Variants in CUX1 observed in about 807,000 individuals in gnomAD.
CUX1 encodes cut like homeobox 1, also known as protein CASP.
A neutral mutation model predicts 158.8 loss-of-function variants in CUX1; 31 were observed. That is an observed-to-expected ratio of 0.20 (90% CI 0.15 to 0.26). The LOEUF is 0.26. CUX1 is among the 10% of genes least tolerant of loss of function. CUX1 has a pLI of 1.00. For synonymous variants in CUX1, 879 were observed against 862.1 expected, an observed-to-expected ratio of 1.02 and a Z score of -0.34; for missense variants, 1,589 against 2,014.6, an observed-to-expected ratio of 0.79 and a Z score of 4.04.
chr7:102,080,516 T>C (rs1247179577), intron 4 of CUX1, among the ~76,000 whole-genome samples: 1 of 152,128 alleles, frequency 6.6e-6, no homozygotes. Flanking sequence ...AAGGGGGACA[T>C]TCATCCTCAG....
chr7:102,175,418 T>C (rs551994787), intron 10 of CUX1, among the ~76,000 whole-genome samples: 4 of 152,176 alleles, frequency 2.6e-5, no homozygotes, highest in Non-Finnish European at 5.9e-5. Context: ...TGATTCAACC[T>C]GTGCCCAGAC....
chr7:102,072,456 G>C (rs1160382392), intron 4 of CUX1, among the ~76,000 whole-genome samples: 1 of 152,198 alleles, frequency 6.6e-6, no homozygotes, highest in Admixed American at 6.5e-5. Context: ...CTATGCGAAC[G>C]AAGACTTGGC....
downstream of CUX1, among the ~76,000 whole-genome samples, chr7:102,260,570 C>CTTTTTTTTTTTTT (rs55642237): frequency 5.5e-4 from 28 of 51,054 alleles, no homozygotes; most frequent in South Asian, 1.5e-3. Flanking sequence ...CCACACCTGG[C>CTTTTTTTTTTTTT]TTTTTTTTTT....
intron 1 of CUX1, among the ~76,000 whole-genome samples, chr7:101,866,378 C>A (rs1447504676): frequency 6.6e-6 from 1 of 151,388 alleles, no homozygotes; most frequent in Non-Finnish European, 1.5e-5. Flanking sequence ...GGCTGAGGAA[C>A]TAGAATCTCG....
chr7:102,178,720 G>GCA (rs367855982), intron 11 of CUX1, 63 bp downstream of exon 11: 10 of 1,453,080 alleles, frequency 6.9e-6, no homozygotes, highest in South Asian at 1.3e-5. Context: ...GGACACACGC[G>GCA]CACACACACA....
chr7:101,991,106 C>T (rs1391918297), intron 2 of CUX1, among the ~76,000 whole-genome samples: 5 of 152,184 alleles, frequency 3.3e-5, no homozygotes, highest in Admixed American at 2.6e-4. Context: ...CCTAGCCCCG[C>T]ACCCACAGGT....
chr7:102,237,362 C>T (rs1799679577), intron 22 of CUX1, among the ~76,000 whole-genome samples: 1 of 151,920 alleles, frequency 6.6e-6, no homozygotes, highest in South Asian at 2.1e-4. Context: ...CGGGTGCACG[C>T]AGCCTCGGTG....
intron 6 of CUX1, among the ~76,000 whole-genome samples, chr7:102,107,889 G>A (rs1419882897): frequency 2.0e-5 from 3 of 152,232 alleles, no homozygotes; most frequent in African/African-American, 2.4e-5. Flanking sequence ...AACTCTGCAG[G>A]TGGAGGCCGC....
chr7:102,171,238 A>T (rs1791684009), intron 10 of CUX1, among the ~76,000 whole-genome samples: 1 of 152,104 alleles, frequency 6.6e-6, no homozygotes, highest in Non-Finnish European at 1.5e-5. Context: ...TGCAGACCCC[A>T]GCTCAGCAGT....
chr7:102,035,652 C>A (rs1265287876), intron 3 of CUX1, among the ~76,000 whole-genome samples: 482 of 90,544 alleles, frequency 5.3e-3, no homozygotes, highest in Non-Finnish European at 5.7e-3. Context: ...GATAGCCAGC[C>A]AAAAAAAAAA....
At chr7:102,200,525 G>C (rs1035953184) in intron 17 of CUX1, among the ~76,000 whole-genome samples, 1 of 152,054 alleles carries the variant, frequency 6.6e-6, no homozygotes, top group Non-Finnish European at 1.5e-5. Flanking sequence ...GTTTTTAGTA[G>C]AGACGGGGTT....
intron 5 of CUX1, among the ~76,000 whole-genome samples, chr7:102,102,351 G>GA (rs1361138215): frequency 7.0e-6 from 1 of 142,202 alleles, no homozygotes; most frequent in Admixed American, 7.7e-5. Flanking sequence ...TTGAACCCAG[G>GA]AAGCAGAGGT....
chr7:101,816,046 G>A (rs1164370058), upstream of CUX1: 3 of 1,433,836 alleles, frequency 2.1e-6, no homozygotes, highest in Non-Finnish European at 1.9e-6. Context: ...GGCCAATGTG[G>A]GATCGATGTT....
intron 2 of CUX1, among the ~76,000 whole-genome samples, chr7:101,980,865 G>A (rs1813353487): frequency 6.6e-6 from 1 of 152,074 alleles, no homozygotes; most frequent in African/African-American, 2.4e-5. Context: ...CAGCACCTGC[G>A]CTTCCTGACT....
chr7:101,918,133 G>T (rs1804453420), intron 2 of CUX1, among the ~76,000 whole-genome samples: 1 of 152,218 alleles, frequency 6.6e-6, no homozygotes, highest in Non-Finnish European at 1.5e-5. Context: ...AAGAGGCCTG[G>T]CTTCCTGGGT....
intron 8 of CUX1, among the ~76,000 whole-genome samples, chr7:102,139,963 T>C (rs1436223311): frequency 6.6e-6 from 1 of 152,160 alleles, no homozygotes; most frequent in Non-Finnish European, 1.5e-5. Flanking sequence ...GCCACTCTGC[T>C]CAGCCCAAAA....
intron 2 of CUX1, among the ~76,000 whole-genome samples, chr7:101,969,889 T>C (rs1363382335): frequency 1.3e-5 from 2 of 150,408 alleles, no homozygotes; most frequent in Non-Finnish European, 2.9e-5. Flanking sequence ...TGCCCTTGAC[T>C]CTTGCCCCAA....
chr7:101,838,452 T>A (rs915597658), intron 1 of CUX1, among the ~76,000 whole-genome samples: 1 of 151,040 alleles, frequency 6.6e-6, no homozygotes, highest in Non-Finnish European at 1.5e-5. Context: ...ATTTTTGAGA[T>A]CTTGTTGTCT....
At chr7:102,111,630 G>C in intron 6 of CUX1, 68 bp from the exon 7 acceptor site, 2 of 1,460,430 alleles carry the variant, frequency 1.4e-6, no homozygotes, top group South Asian at 1.1e-5. Flanking sequence ...GAGCTCAGCC[G>C]AAAGGCACAC....
Sources: gnomAD v4.1 joint callset for allele counts (sites outside exome capture counted in the v4.1 genomes callset) on GRCh38, gnomAD v4.1.1 for gene constraint, MANE v1.5 for transcripts, NCBI Gene and HGNC (gene_info 2026-07-23, HGNC 2026-07-21) for gene names.